ARFGEF2: variants seen among roughly 807,000 people sequenced by gnomAD.
ARFGEF2 encodes brefeldin A-inhibited guanine nucleotide-exchange protein 2.
Under a neutral mutation model 219.9 loss-of-function variants are expected in ARFGEF2, and 74 were observed. The ratio of observed to expected loss-of-function variants is 0.34; its 90% CI spans 0.28 to 0.41. The LOEUF (loss-of-function observed/expected upper bound fraction) is 0.41, where lower values mean the gene tolerates loss of function less well. Among genes scored for constraint, ARFGEF2 ranks in the 10% least tolerant of loss-of-function variants. The probability of loss-of-function intolerance (pLI) is 1.00; values close to 1 mark genes in which losing one functional copy is unlikely to be tolerated. For missense variants in ARFGEF2, 1,743 were observed against 2,218.3 expected (o/e 0.79, Z 4.30); for synonymous variants, 733 against 799.2 (o/e 0.92, Z 1.40).
At chr20:48,927,513 AC>A (rs1411813216) in intron 1 of ARFGEF2, among the ~76,000 whole-genome samples, 1 of 152,020 alleles carries the variant, frequency 6.6e-6, no homozygotes, top group Non-Finnish European at 1.5e-5. Context: ...AAATGGCGAA[AC>A]CCCATCTGTA....
Position 48,991,022 on chromosome 20 carries a change from C to T in ARFGEF2, c.2815-18C>T. On this transcript the variant is annotated intron_variant, in intron 20 of 38. Transcript: ENST00000371917. Reference sequence around the variant, plus strand: ...TAAGGTTGGAGTCACAGTGTTCTCTCTTGGGTTTCTGTTACAGCTGGAACG... The same window carrying T: ...TAAGGTTGGAGTCACAGTGTTCTCTTTTGGGTTTCTGTTACAGCTGGAACG... 1.2e-6 allele frequency: 2 copies of T among 1,612,404 alleles called. No individual in the cohort carries two copies. The highest frequency in any genetic ancestry group is 2.2e-5 in the East Asian group (1 of 44,852).
chr20:48,941,665 A>G (rs1368040465), intron 2 of ARFGEF2, among the ~76,000 whole-genome samples, 199 bp from the exon 3 acceptor site: 1 of 152,230 alleles, frequency 6.6e-6, no homozygotes, highest in Non-Finnish European at 1.5e-5. Context: ...TTAATTCAGC[A>G]TGCCAATCAG....
rs540743564 is a variant in ARFGEF2, at chr20:48,968,706, G to A, written c.1060-441G>A. On this transcript the variant is annotated intron_variant, in intron 8 of 38. Transcript: ENST00000371917. Reference sequence around the variant, plus strand: ...AGAAATATCTTTCTTACCCAAGCTAGTATAATTACCTGTATTAGTTTTGGT... The same window carrying A: ...AGAAATATCTTTCTTACCCAAGCTAATATAATTACCTGTATTAGTTTTGGT... Among the ~76,000 whole-genome samples the A allele has an allele frequency of 3.3e-5, 5 of 152,214 alleles. No individual in the cohort carries two copies. In the East Asian group the frequency reaches 9.6e-4, roughly 29 times the overall value.
intron 35 of ARFGEF2, 126 bp from the exon 36 acceptor site, chr20:49,025,187 G>T: frequency 1.0e-6 from 1 of 960,980 alleles, no homozygotes; most frequent in Non-Finnish European, 1.6e-6. Context: ...AGGGTGTTGG[G>T]GAATAAGTGT....
At chr20:48,951,662 C>G (rs568247089) in intron 4 of ARFGEF2, among the ~76,000 whole-genome samples, 193 bp downstream of exon 4, 2 of 152,230 alleles carry the variant, frequency 1.3e-5, no homozygotes, top group South Asian at 4.2e-4. Context: ...AAAATGGAAC[C>G]AGGTGTGTTT....
rs369353014 is a variant in ARFGEF2 at position 48,988,269 on chromosome 20, C to T, written c.2277-35C>T. ...GCATTGTACCTTCCAAACCGCATCA[C>T]CATGAATATTGATGTCTCGAATTTT... On this transcript the variant is annotated intron_variant, in intron 16 of 38. Coordinates refer to ENST00000371917, the MANE Select transcript of ARFGEF2 (RefSeq NM_006420.3). 369 of 1,496,358 alleles carry T rather than the reference C, an allele frequency of 2.5e-4. 1 individual carries two copies. The highest frequency in any genetic ancestry group is 4.7e-4 in the South Asian group (42 of 88,552). The allele number at this position is 1,496,358 out of a possible 1,614,324, so 92.7% of individuals were successfully genotyped here.
chr20:49,012,084 G>C lies in ARFGEF2; in HGVS notation c.3918G>C (p.Arg1306=). ...FCGKYVSERP[R]VLQEYTSDDM... ...GCAAATACGTCTCTGAGAGGCCTCG[G>C]GTTCGTTTTTCCCCACCTTACTCAG... The change falls in exon 28 of 39, where the codon CGG becomes CGC. Residue 1306 remains arginine, a splice_region_variant and synonymous_variant. Transcript: ENST00000371917. 1 of 1,614,162 alleles carries C rather than the reference G, an allele frequency of 6.2e-7. No homozygotes were observed. The highest frequency in any genetic ancestry group is 1.6e-4 in the Middle Eastern group (1 of 6,062).
rs1046433041 is a variant in ARFGEF2, at chr20:48,938,602, A to G, written c.122-2597A>G. Among the ~76,000 whole-genome samples the G allele has an allele frequency of 7.2e-5, 11 of 152,338 alleles. No homozygotes were observed. In the South Asian group the frequency reaches 2.3e-3, roughly 32 times the overall value. On this transcript the variant is annotated intron_variant, in intron 1 of 38. Coordinates refer to ENST00000371917, the MANE Select transcript of ARFGEF2 (RefSeq NM_006420.3). ...ATTATTCTTTCCTAGCTATTTTGAA[A>G]TGTACAGTTGGTTAATGTTAACTGT...
chr20:48,944,657 G>A (rs980365354), intron 3 of ARFGEF2, among the ~76,000 whole-genome samples: 5 of 151,982 alleles, frequency 3.3e-5, no homozygotes, highest in Non-Finnish European at 7.4e-5. Flanking sequence ...GTAGAGACAG[G>A]GTTTCACCAA....
intron 16 of ARFGEF2, among the ~76,000 whole-genome samples, chr20:48,987,084 C>G (rs1456688017): frequency 6.6e-6 from 1 of 152,184 alleles, no homozygotes; most frequent in Non-Finnish European, 1.5e-5. Context: ...AAGTGTATGG[C>G]AGGCTGTCCC....
Position 48,950,844 on chromosome 20 carries a change from A to G in ARFGEF2, c.277-479A>G, listed in dbSNP as rs6095377. The stretch of plus-strand genomic sequence containing the variant: ...TATATATATATATATATATATATAT[A>G]TATGTATGTATATACATGCACACAC... On this transcript the variant is annotated intron_variant, in intron 3 of 38. Coordinates refer to ENST00000371917, the MANE Select transcript of ARFGEF2 (RefSeq NM_006420.3). Among the ~76,000 whole-genome samples the G allele has an allele frequency of 2.3e-3, 277 of 119,632 alleles. 1 individual carries two copies. Among genetic ancestry groups the G allele is most frequent in the Middle Eastern group, 9.8e-3 (2 of 204 alleles). 78.5% of individuals were successfully genotyped at this position (119,632 alleles called of 152,430 possible). A position where few individuals can be genotyped will look rare whatever the true frequency, so the allele number is the denominator to read the frequency against.
At chr20:48,973,421 C>A in intron 12 of ARFGEF2, 137 bp downstream of exon 12, 1 of 931,790 alleles carries the variant, frequency 1.1e-6, no homozygotes. Flanking sequence ...ACACTTCCTG[C>A]CATCATGAAA....
rs1312659089 is a variant in ARFGEF2 at position 49,035,915 on chromosome 20, G to C, written c.*2716G>C. 2.8e-5 allele frequency: 10 copies of C among 354,818 alleles called. No individual in the cohort carries two copies. Among genetic ancestry groups the C allele is most frequent in the Non-Finnish European group, 4.0e-5 (8 of 200,344 alleles). 22.0% of individuals were successfully genotyped at this position (354,818 alleles called of 1,614,324 possible). A position where few individuals can be genotyped will look rare whatever the true frequency, so the allele number is the denominator to read the frequency against. ...CCTGTACTCCTCATGTACAACCAAA[G>C]AACATACATTATGAAAATTGTATTA... On this transcript the variant is annotated 3_prime_UTR_variant, in exon 39 of 39. Coordinates refer to ENST00000371917, the MANE Select transcript of ARFGEF2 (RefSeq NM_006420.3).
intron 11 of ARFGEF2, 87 bp downstream of exon 11, chr20:48,972,512 T>A: frequency 1.9e-6 from 2 of 1,057,672 alleles, no homozygotes; most frequent in African/African-American, 1.6e-5. Flanking sequence ...CCCCTCCTTT[T>A]AGAGTTTTAA....
chr20:48,998,858 G>A (rs902341460), intron 25 of ARFGEF2, among the ~76,000 whole-genome samples: 3 of 152,158 alleles, frequency 2.0e-5, no homozygotes, highest in Non-Finnish European at 2.9e-5. Flanking sequence ...GTTAAGTTAC[G>A]TTCCAGGTAG....
At chr20:49,012,589 T>G (rs568983852) in intron 28 of ARFGEF2, among the ~76,000 whole-genome samples, 1 of 152,254 alleles carries the variant, frequency 6.6e-6, no homozygotes, top group East Asian at 1.9e-4. Context: ...TGAAATAGGG[T>G]GAAAACAAGT....
intron 25 of ARFGEF2, 105 bp downstream of exon 25, chr20:48,998,610 C>A (rs1600644177): frequency 8.5e-7 from 1 of 1,171,220 alleles, no homozygotes; most frequent in Non-Finnish European, 1.2e-6. Context: ...TTTTAGATGC[C>A]TCTAATTCAT....
rs900362217 is a variant in ARFGEF2 at position 49,019,094 on chromosome 20, C to T, written c.4624+96C>T. The T allele has an allele frequency of 5.9e-6, 6 of 1,023,188 alleles. No individual in the cohort carries two copies. The African/African-American group carries it at 6.4e-5, about 11-fold the overall frequency. The allele number at this position is 1,023,188 out of a possible 1,614,324, so 63.4% of individuals were successfully genotyped here. A position where few individuals can be genotyped will look rare whatever the true frequency, so the allele number is the denominator to read the frequency against. ...AAGGGTAAACATGATAAGCCTTCTT[C>T]TGCCCTGTGCCTCAGTCTGCCAGTT... On this transcript the variant is annotated intron_variant, in intron 34 of 38. Coordinates refer to ENST00000371917, the MANE Select transcript of ARFGEF2 (RefSeq NM_006420.3).
At position 49,033,356 on chromosome 20, in the gene ARFGEF2, C is replaced by A; in HGVS notation, c.*157C>A. On this transcript the variant is annotated 3_prime_UTR_variant, in exon 39 of 39. Coordinates refer to ENST00000371917, the MANE Select transcript of ARFGEF2 (RefSeq NM_006420.3). ...GGCCTCTACGCTGTTCCATCACAGT[C>A]TCCAACTAAGGCTTATGGTATTTCA... 1 of 761,252 alleles carries A rather than the reference C, an allele frequency of 1.3e-6. No homozygotes were observed. Among genetic ancestry groups the A allele is most frequent in the South Asian group, 1.6e-5 (1 of 61,770 alleles). The allele number at this position is 761,252 out of a possible 1,614,324, so 47.2% of individuals were successfully genotyped here.
Sources: allele counts gnomAD v4.1 joint callset (sites outside exome capture counted in the v4.1 genomes callset), GRCh38; gene constraint gnomAD v4.1.1; transcripts MANE v1.5; gene names NCBI Gene and HGNC (gene_info 2026-07-23, HGNC 2026-07-21).